The following YLPM1 variants were observed in gnomAD, a reference collection of about 807,000 sequenced individuals.
YLPM1 encodes YLP motif containing 1.
In YLPM1, 99 loss-of-function variants were observed where a neutral mutation model predicts 230.0. The ratio of observed to expected loss-of-function variants is 0.43; its 90% confidence interval spans 0.37 to 0.51. The LOEUF is 0.51. Ranked by LOEUF, YLPM1 falls within the 20% of genes least tolerant of loss-of-function variation. YLPM1 has a pLI of 0.00. For missense variants in YLPM1, 2,592 were observed against 2,707.7 expected, an observed-to-expected ratio of 0.96 and a Z score of 0.95; for synonymous variants, 984 against 942.5, an observed-to-expected ratio of 1.04 and a Z score of -0.81.
intron 4 of YLPM1, among the ~76,000 whole-genome samples, chr14:74,789,820 G>C (rs1490327907): frequency 6.6e-6 from 1 of 151,066 alleles, no homozygotes; most frequent in Non-Finnish European, 1.5e-5. Flanking sequence ...GATGGGATCT[G>C]CCTGTGTTGT....
intron 1 of YLPM1, among the ~76,000 whole-genome samples, chr14:74,774,102 T>TTGTAAGTTGAGGATAA (rs1336546342): frequency 2.0e-5 from 3 of 152,148 alleles, no homozygotes; most frequent in Non-Finnish European, 2.9e-5. Context: ...AATAAACCCA[T>TTGTAAGTTGAGGATAA]TGTAAGTTGA....
At position 74,818,894 on chromosome 14, in the gene YLPM1, C is replaced by T. The variant is rs137915536; in HGVS notation, c.6030+580C>T. ...GTATAGGCCTGTTTTGTAGAATGCC[C>T]CTCAATTTGAATTTGTCTGTTTGTT... On this transcript the variant is annotated intron_variant, in intron 16 of 20. Coordinates refer to ENST00000325680, the MANE Select transcript of YLPM1 (RefSeq NM_019589.3). Among the ~76,000 whole-genome samples the T allele has an allele frequency of 1.1e-4, 15 of 138,670 alleles. No individual in the cohort carries two copies. The East Asian group carries it at 3.3e-3, about 31-fold the overall frequency. 91.0% of individuals were successfully genotyped at this position (138,670 alleles called of 152,430 possible). A position where few individuals can be genotyped will look rare whatever the true frequency, so the allele number is the denominator to read the frequency against.
rs2091303847 is a variant in YLPM1 at position 74,799,496 on chromosome 14, G to A, written c.4199G>A (p.Arg1400Gln). 6 of 1,613,832 alleles carry A rather than the reference G, an allele frequency of 3.7e-6. No individual in the cohort carries two copies. The highest frequency in any genetic ancestry group is 4.2e-6 in the Non-Finnish European group (5 of 1,179,900). ...VPDRMDWERE[R>Q]LSDRWYPSDV... ...GACAGAATGGACTGGGAAAGAGAAC[G>A]GTTGTCAGACAGATGGTACCCATCT... The change falls in exon 5 of 21, where the codon CGG (arginine) becomes CAG (glutamine). Residue 1400 changes from arginine to glutamine, a missense_variant. Coordinates refer to ENST00000325680, the MANE Select transcript of YLPM1 (RefSeq NM_019589.3).
At chr14:74,779,277 A>G (rs1219544800) in intron 2 of YLPM1, among the ~76,000 whole-genome samples, 1 of 152,202 alleles carries the variant, frequency 6.6e-6, no homozygotes, top group Non-Finnish European at 1.5e-5. Context: ...GCAATAGTTG[A>G]GTGCTTGAGC....
Position 74,836,472 on chromosome 14 carries a change from T to C in YLPM1, c.*734T>C, listed in dbSNP as rs1385120407. 1 of 152,192 alleles carries C rather than the reference T, an allele frequency of 6.6e-6. No homozygotes were observed. Among genetic ancestry groups the C allele is most frequent in the Non-Finnish European group, 1.5e-5 (1 of 68,036 alleles). The allele number at this position is 152,192 out of a possible 1,614,324, so 9.4% of individuals were successfully genotyped here. On this transcript the variant is annotated 3_prime_UTR_variant, in exon 21 of 21. Coordinates refer to ENST00000325680, the MANE Select transcript of YLPM1 (RefSeq NM_019589.3). ...CATATCCATTCTGTAACATGATGCT[T>C]TATTTAAAAATTTTTTTTGATCCTC...
chr14:74,765,261 A>G (rs952477931), intron 1 of YLPM1, among the ~76,000 whole-genome samples: 1 of 152,214 alleles, frequency 6.6e-6, no homozygotes, highest in African/African-American at 2.4e-5. Context: ...CCTAAAGTAG[A>G]CACTTTTTCA....
intron 10 of YLPM1, 45 bp downstream of exon 10, chr14:74,811,783 G>C (rs1355116371): frequency 5.3e-6 from 7 of 1,312,310 alleles, no homozygotes; most frequent in Non-Finnish European, 7.3e-6. Flanking sequence ...AGAATGTAAA[G>C]CATGGGAGAT....
chr14:74,820,538 G>T (rs909249762), intron 16 of YLPM1, among the ~76,000 whole-genome samples: 1 of 152,048 alleles, frequency 6.6e-6, no homozygotes, highest in Admixed American at 6.6e-5. Flanking sequence ...GTGAGCCACT[G>T]TGCCCAGGCC....
intron 1 of YLPM1, among the ~76,000 whole-genome samples, chr14:74,769,956 G>T (rs1353221377): frequency 6.6e-6 from 1 of 151,286 alleles, no homozygotes; most frequent in Admixed American, 6.6e-5. Flanking sequence ...GCCTAGGCGG[G>T]CAGATCACGA....
intron 1 of YLPM1, 109 bp from the exon 2 acceptor site, chr14:74,778,338 T>C: frequency 1.0e-6 from 1 of 966,480 alleles, no homozygotes; most frequent in Non-Finnish European, 1.5e-6. Context: ...TTTGCCTTTT[T>C]TTACATATAG....
chr14:74,784,058 G>A lies in YLPM1; in HGVS notation c.2282+1733G>A, dbSNP rs917756485. On this transcript the variant is annotated intron_variant, in intron 4 of 20. Transcript: ENST00000325680. Reference sequence around the variant, plus strand: ...TATACTGTCAGTGCTTATTTGGCATGTGTATCATCTTGATTTGAATTCGTT... The same window carrying A: ...TATACTGTCAGTGCTTATTTGGCATATGTATCATCTTGATTTGAATTCGTT... Among the ~76,000 whole-genome samples the A allele has an allele frequency of 2.0e-5, 3 of 152,318 alleles. No individual in the cohort carries two copies. In the East Asian group the frequency reaches 5.8e-4, roughly 29 times the overall value.
At chr14:74,831,254 T>C (rs903827261) in intron 19 of YLPM1, among the ~76,000 whole-genome samples, 2 of 152,222 alleles carry the variant, frequency 1.3e-5, no homozygotes, top group African/African-American at 4.8e-5. Flanking sequence ...TGGGCACCAT[T>C]ACAAAGAATC....
Position 74,798,723 on chromosome 14 carries a change from G to A in YLPM1, c.3426G>A (p.Arg1142=), listed in dbSNP as rs1330654471. 5.0e-6 allele frequency: 8 copies of A among 1,612,538 alleles called. No homozygotes were observed. In the African/African-American group the frequency reaches 9.4e-5, roughly 19 times the overall value. The change falls in exon 5 of 21, where the codon AGG becomes AGA. Residue 1142 remains arginine, a synonymous_variant. Transcript: ENST00000325680. ...TACCACCCCGAAGAGCTGGGAGCAG[G>A]GAGAGAGGACCACCTCGAGGGCCTG... The part of the protein sequence containing the change: ...ERIPPRRAGS[R]ERGPPRGPGS...
chr14:74,829,171 C>CA (rs1401615771), intron 18 of YLPM1, 42 bp from the exon 19 acceptor site: 1 of 1,609,312 alleles, frequency 6.2e-7, no homozygotes, highest in Admixed American at 1.7e-5. Flanking sequence ...TGTGCAAACT[C>CA]ACACTCTTCC....
Position 74,817,262 on chromosome 14 carries a change from T to G in YLPM1, c.5931T>G (p.Leu1977=). 1 of 1,584,062 alleles carries G rather than the reference T, an allele frequency of 6.3e-7. No individual in the cohort carries two copies. The highest frequency in any genetic ancestry group is 8.6e-7 in the Non-Finnish European group (1 of 1,164,066). The change falls in exon 15 of 21, where the codon CTT becomes CTG. Residue 1977 remains leucine (L), a synonymous_variant. Coordinates refer to ENST00000325680, the MANE Select transcript of YLPM1 (RefSeq NM_019589.3). ...CGKRNIHGRK[L]KEINKMADHW... Reference sequence around the variant, plus strand: ...AGAGAAATATTCATGGAAGAAAGCTTAAAGAAATAAATAAGGTGATTTTAA... The same window carrying G: ...AGAGAAATATTCATGGAAGAAAGCTGAAAGAAATAAATAAGGTGATTTTAA...
In YLPM1 at chr14:74,802,545, T is replaced by C. The variant is rs779601070; in HGVS notation, c.4401-11T>C. Reference sequence around the variant, plus strand: ...TGCTTTATGTACTATGTCAATTTTATTTGTTTGCAGGGAACAGAAAGAACA... The same window carrying C: ...TGCTTTATGTACTATGTCAATTTTACTTGTTTGCAGGGAACAGAAAGAACA... On this transcript the variant is annotated splice_polypyrimidine_tract_variant and intron_variant, in intron 5 of 20. Coordinates refer to ENST00000325680, the MANE Select transcript of YLPM1 (RefSeq NM_019589.3). The C allele has an allele frequency of 2.5e-6, 4 of 1,607,452 alleles. No homozygotes were observed. The highest frequency in any genetic ancestry group is 3.4e-6 in the Non-Finnish European group (4 of 1,177,944).
At chr14:74,780,655 T>C in intron 3 of YLPM1, 71 bp downstream of exon 3, 1 of 1,502,284 alleles carries the variant, frequency 6.7e-7, no homozygotes, top group Non-Finnish European at 8.9e-7. Context: ...TCTTGAAAGA[T>C]TTAAGTGTAA....
At chr14:74,795,474 A>G (rs1468932030) in intron 4 of YLPM1, among the ~76,000 whole-genome samples, 2 of 152,246 alleles carry the variant, frequency 1.3e-5, no homozygotes, top group African/African-American at 2.4e-5. Flanking sequence ...ATCACTGTCT[A>G]CTACTCAGTC....
rs1326175857 is a variant in YLPM1, at chr14:74,837,210, A to C, written c.*1472A>C. 1 of 152,172 alleles carries C rather than the reference A, an allele frequency of 6.6e-6. No homozygotes were observed. The highest frequency in any genetic ancestry group is 2.4e-5 in the African/African-American group (1 of 41,448). 9.4% of individuals were successfully genotyped at this position (152,172 alleles called of 1,614,324 possible). On this transcript the variant is annotated 3_prime_UTR_variant, in exon 21 of 21. Transcript: ENST00000325680. The stretch of plus-strand genomic sequence containing the variant: ...AATTCTAACAACTTTCTGTACTTTT[A>C]TCTTCCCTGAAAATCTGAATTTTTA...
Sources: allele counts gnomAD v4.1 joint callset (sites outside exome capture counted in the v4.1 genomes callset), GRCh38; gene constraint gnomAD v4.1.1; transcripts MANE v1.5; gene names NCBI Gene and HGNC (gene_info 2026-07-23, HGNC 2026-07-21).